The following ARHGAP28 variants were observed in gnomAD, a reference collection of about 807,000 sequenced individuals.
ARHGAP28 encodes the protein Rho GTPase activating protein 28, also known as rho GTPase-activating protein 28.
A neutral mutation model predicts 90.7 loss-of-function variants in ARHGAP28; 56 were observed. The ratio of observed to expected loss-of-function variants is 0.62; its 90% CI spans 0.50 to 0.77. The LOEUF is 0.77. Among genes scored for constraint, ARHGAP28 ranks in the 30% least tolerant of loss-of-function variants. The pLI is 0.00. For synonymous variants in ARHGAP28, 308 were observed against 323.3 expected (o/e 0.95, Z 0.51); for missense variants, 869 against 900.9 (o/e 0.96, Z 0.45).
At chr18:6,846,909 C>T (rs1338845956) in intron 3 of ARHGAP28, among the ~76,000 whole-genome samples, 4 of 152,180 alleles carry the variant, frequency 2.6e-5, no homozygotes, top group Non-Finnish European at 5.9e-5. Flanking sequence ...TTATTAGTCA[C>T]GTTTCCTCAC....
chr18:6,841,456 AAGAT>A (rs1221997415), intron 3 of ARHGAP28, among the ~76,000 whole-genome samples: 4 of 151,764 alleles, frequency 2.6e-5, no homozygotes, highest in Non-Finnish European at 5.9e-5. Flanking sequence ...GGATATAAGT[AAGAT>A]AGATAAGTAT....
At chr18:6,738,055 T>G (rs905556581) in intron 1 of ARHGAP28, among the ~76,000 whole-genome samples, 6 of 152,228 alleles carry the variant, frequency 3.9e-5, no homozygotes, top group African/African-American at 1.4e-4. Context: ...CCTTTTCTGA[T>G]CCCTTAGTTG....
chr18:6,765,097 G>A (rs566005480), intron 1 of ARHGAP28, among the ~76,000 whole-genome samples: 6 of 152,258 alleles, frequency 3.9e-5, no homozygotes, highest in Admixed American at 2.6e-4. Context: ...GTTTGTAAAC[G>A]ATGTTGGTCC....
intron 14 of ARHGAP28, among the ~76,000 whole-genome samples, chr18:6,892,226 G>A (rs1195412508): frequency 1.3e-5 from 2 of 152,098 alleles, no homozygotes; most frequent in African/African-American, 2.4e-5. Context: ...TCGGCTCACT[G>A]CAAGCTTCAC....
chr18:6,758,628 G>A (rs2056133196), intron 1 of ARHGAP28, among the ~76,000 whole-genome samples: 1 of 152,200 alleles, frequency 6.6e-6, no homozygotes, highest in Non-Finnish European at 1.5e-5. Flanking sequence ...CCAGCCACTT[G>A]CTTGTCTTTT....
chr18:6,790,446 G>A (rs2143550546), intron 1 of ARHGAP28: 1 of 152,276 alleles, frequency 6.6e-6, no homozygotes, highest in Middle Eastern at 3.4e-3. Flanking sequence ...TTTCTAATTT[G>A]TCAGACTCGG....
intron 11 of ARHGAP28, among the ~76,000 whole-genome samples, chr18:6,884,359 G>A (rs1437833267): frequency 6.6e-6 from 1 of 152,142 alleles, no homozygotes; most frequent in Admixed American, 6.5e-5. Context: ...GGGCGACAGA[G>A]CAAGACTCTG....
At chr18:6,803,923 C>T (rs577512602) in intron 1 of ARHGAP28, among the ~76,000 whole-genome samples, 16 of 152,064 alleles carry the variant, frequency 1.1e-4, no homozygotes, top group South Asian at 4.2e-4. Context: ...GGACTACAGG[C>T]GCCTCCCACC....
At chr18:6,820,769 G>C (rs568442064) in intron 1 of ARHGAP28, among the ~76,000 whole-genome samples, 119 of 152,286 alleles carry the variant, frequency 7.8e-4, no homozygotes, top group Non-Finnish European at 1.3e-3. Flanking sequence ...TCAGCCTAGA[G>C]TTCTATGCCC....
At chr18:6,905,255 T>C (rs2057359103) in intron 16 of ARHGAP28, among the ~76,000 whole-genome samples, 2 of 152,084 alleles carry the variant, frequency 1.3e-5, no homozygotes, top group South Asian at 4.1e-4. Context: ...CATGCAAGGT[T>C]GATTTAACAT....
intron 14 of ARHGAP28, among the ~76,000 whole-genome samples, chr18:6,893,766 C>A (rs560183634): frequency 9.9e-5 from 15 of 151,010 alleles, no homozygotes; most frequent in Non-Finnish European, 1.9e-4. Context: ...TAAATAGAAC[C>A]AAGATATGGT....
chr18:6,885,658 C>T (rs1022294754), intron 11 of ARHGAP28, among the ~76,000 whole-genome samples: 1 of 152,048 alleles, frequency 6.6e-6, no homozygotes, highest in African/African-American at 2.4e-5. Context: ...CAGCGTTGGG[C>T]CAGGTTTCCT....
At chr18:6,748,436 G>T (rs2056042462) in intron 1 of ARHGAP28, among the ~76,000 whole-genome samples, 2 of 152,124 alleles carry the variant, frequency 1.3e-5, no homozygotes, top group African/African-American at 2.4e-5. Context: ...ATAGGGCCTG[G>T]CTCGAGTGAC....
At chr18:6,841,983 G>C (rs2056831277) in intron 3 of ARHGAP28, among the ~76,000 whole-genome samples, 1 of 152,174 alleles carries the variant, frequency 6.6e-6, no homozygotes, top group Non-Finnish European at 1.5e-5. Flanking sequence ...TTGAACCTCT[G>C]TGTCTCTTAA....
chr18:6,850,081 G>A (rs79762042), intron 3 of ARHGAP28, among the ~76,000 whole-genome samples: 109 of 152,106 alleles, frequency 7.2e-4, no homozygotes, highest in African/African-American at 2.3e-3. Context: ...TTTATCATGC[G>A]TAATTATAAC....
intron 1 of ARHGAP28, among the ~76,000 whole-genome samples, chr18:6,816,015 T>C (rs1181317287): frequency 6.6e-6 from 1 of 152,202 alleles, no homozygotes; most frequent in Non-Finnish European, 1.5e-5. Flanking sequence ...TTTTCTGTAT[T>C]CTTTGCTGCC....
chr18:6,886,297 C>A (rs1300959801), intron 11 of ARHGAP28, among the ~76,000 whole-genome samples: 1 of 152,096 alleles, frequency 6.6e-6, no homozygotes, highest in Non-Finnish European at 1.5e-5. Flanking sequence ...ACCAAGACAC[C>A]ATTTTGAAGA....
intron 1 of ARHGAP28, among the ~76,000 whole-genome samples, chr18:6,731,162 G>T (rs1214541059): frequency 1.3e-5 from 2 of 152,062 alleles, no homozygotes; most frequent in Non-Finnish European, 2.9e-5. Context: ...TAGGAGTTGT[G>T]CATATACTTT....
chr18:6,824,853 TC>T lies in ARHGAP28; in HGVS notation c.216del (p.Val73Ter). 6.5e-7 allele frequency: 1 copy of T among 1,536,360 alleles called. No homozygotes were observed. Among genetic ancestry groups the T allele is most frequent in the Non-Finnish European group, 8.7e-7 (1 of 1,146,958 alleles). The stretch of plus-strand genomic sequence containing the variant: ...CTTCAGCCGTTCCAACTCAGAAGCC[TC>T]CGTAGACAGCGCCTCCATGGAGGAT... ...PAFSRSNSEA[S>X]VDSASMEDFW... On this transcript the variant is annotated frameshift_variant, in exon 2 of 18. Coordinates refer to ENST00000383472, the MANE Select transcript of ARHGAP28 (RefSeq NM_001366230.1). LOFTEE classifies it high-confidence loss of function.
Sources: gnomAD v4.1 joint callset for allele counts (sites outside exome capture counted in the v4.1 genomes callset) on GRCh38, gnomAD v4.1.1 for gene constraint, MANE v1.5 for transcripts, NCBI Gene and HGNC (gene_info 2026-07-23, HGNC 2026-07-21) for gene names.